Variants in VARS1 observed in about 807,000 individuals in gnomAD.
VARS1 encodes the protein valine--tRNA ligase.
A neutral mutation model predicts 161.0 loss-of-function variants in VARS1; 92 were observed. The ratio of observed to expected loss-of-function variants is 0.57; its 90% CI spans 0.48 to 0.68. The LOEUF (loss-of-function observed/expected upper bound fraction) is 0.68, where lower values mean the gene tolerates loss of function less well. VARS1 is among the 30% of genes least tolerant of loss of function. The pLI is 0.00. For synonymous variants in VARS1, 595 were observed against 682.5 expected (o/e 0.87, Z 2.00); for missense variants, 1,338 against 1,695.9 (o/e 0.79, Z 3.71).
Position 31,781,922 on chromosome 6 carries a change from G to A in VARS1, c.2272C>T (p.Arg758Cys), listed in dbSNP as rs1294452351. 1.2e-5 allele frequency: 19 copies of A among 1,612,848 alleles called. No homozygotes were observed. The highest frequency in any genetic ancestry group is 1.6e-4 in the Middle Eastern group (1 of 6,084). ...DPDGRYWVSG[R>C]NEAEAREKAA... Reference sequence around the variant, plus strand: ...TTCTCCCGGGCCTCCGCCTCATTGCGTCCACTCACCCAGTACCGCCCATCA... The same window carrying A: ...TTCTCCCGGGCCTCCGCCTCATTGCATCCACTCACCCAGTACCGCCCATCA... Residue 758 changes from arginine to cysteine, a missense_variant, in exon 19 of 30, where the codon CGC (arginine) becomes TGC (cysteine). By Grantham distance (180) the Arg-to-Cys change is radical. Transcript: ENST00000375663. This position sits in a 1 kb window ranked among gnomAD's most constrained non-coding sequence, Gnocchi z 6.8.
Position 31,792,455 on chromosome 6 carries a change from C to T in VARS1, c.723G>A (p.Arg241=), listed in dbSNP as rs148635564. 6.2e-6 allele frequency: 10 copies of T among 1,613,854 alleles called. No individual in the cohort carries two copies. In the African/African-American group the frequency reaches 1.3e-4, roughly 22 times the overall value. Residue 241 remains arginine (R), a synonymous_variant, in exon 5 of 30, where the codon CGG becomes CGA. Coordinates refer to ENST00000375663, the MANE Select transcript of VARS1 (RefSeq NM_006295.3). The part of the protein sequence containing the change: ...AAQLKKEAKK[R]EKLEKFQQKQ... ...TCTGTTGGAATTTCTCTAGCTTCTC[C>T]CGTTTCTTTGCCTCTTTCTTGAGCT...
chr6:31,788,257 T>G (rs2151428580), intron 8 of VARS1, among the ~76,000 whole-genome samples: 1 of 152,190 alleles, frequency 6.6e-6, no homozygotes, highest in African/African-American at 2.4e-5. Context: ...ATCCTAGCAC[T>G]TTGGGAGACC....
In VARS1 at chr6:31,794,874, G is replaced by C. The variant is rs1229457406; in HGVS notation, c.344C>G (p.Thr115Arg). 7 of 1,611,068 alleles carry C rather than the reference G, an allele frequency of 4.3e-6. No individual in the cohort carries two copies. The highest frequency in any genetic ancestry group is 1.7e-5 in the Admixed American group (1 of 59,940). ...GCTTCGGAGTCCCAGGGCCGGCAGC[G>C]TTGCTCCACAGGCAGCTGGTATTAA... Reference protein sequence around the residue: ...TELIPAACGATLPALGLRSSA... With the variant: ...TELIPAACGARLPALGLRSSA... The change falls in exon 2 of 30, where the codon ACG (threonine) becomes AGG (arginine). Residue 115 changes from threonine (T) to arginine (R), a missense_variant. Physicochemically the swap from Thr to Arg is moderately conservative, Grantham distance 71 (BLOSUM62 -1). Transcript: ENST00000375663.
Position 31,795,388 on chromosome 6 carries a change from G to C in VARS1, c.-33-138C>G, listed in dbSNP as rs779836521. On this transcript the variant is annotated intron_variant, in intron 1 of 29. Transcript: ENST00000375663. This position sits in a 1 kb window ranked among gnomAD's most constrained non-coding sequence, Gnocchi z 6.9. ...GACTGAGGGTCTGACCAGGCAGGCT[G>C]TCAGGAGCCGAGGACCTGGCTCTCA... is the stretch of plus-strand genomic sequence containing the variant. The C allele has an allele frequency of 3.9e-6, 2 of 507,758 alleles. No homozygotes were observed. The highest frequency in any genetic ancestry group is 6.1e-6 in the Non-Finnish European group (2 of 325,474). The allele number at this position is 507,758 out of a possible 1,614,324, so 31.5% of individuals were successfully genotyped here.
At position 31,795,221 on chromosome 6, in the gene VARS1, T is replaced by G; in HGVS notation, c.-4A>C. ...GGGAGACGTAGAGGGTGGACATAGT[T>G]ATGAGAAGGTCCGAACGAAGTGGAA... On this transcript the variant is annotated 5_prime_UTR_variant, in exon 2 of 30. Coordinates refer to ENST00000375663, the MANE Select transcript of VARS1 (RefSeq NM_006295.3). This position sits in a 1 kb window ranked among gnomAD's most constrained non-coding sequence, Gnocchi z 6.9. 7.0e-7 allele frequency: 1 copy of G among 1,421,000 alleles called. No individual in the cohort carries two copies. Among genetic ancestry groups the G allele is most frequent in the Non-Finnish European group, 9.2e-7 (1 of 1,085,212 alleles). 88.0% of individuals were successfully genotyped at this position (1,421,000 alleles called of 1,614,324 possible).
chr6:31,788,782 CTG>C (rs1813686220), intron 8 of VARS1, among the ~76,000 whole-genome samples: 2 of 151,932 alleles, frequency 1.3e-5, no homozygotes, highest in Admixed American at 6.6e-5. Flanking sequence ...GCACTCCAGC[CTG>C]GGCGACAGAG....
Position 31,778,578 on chromosome 6 carries a change from C to T in VARS1, c.3726+389G>A, listed in dbSNP as rs780980938. 7.2e-5 allele frequency among the ~76,000 whole-genome samples: 11 copies of T among 152,060 alleles called. No homozygotes were observed. The highest frequency in any genetic ancestry group is 8.8e-5 in the Non-Finnish European group (6 of 67,992). On this transcript the variant is annotated intron_variant, in intron 29 of 29. Transcript: ENST00000375663. The surrounding 1 kb of genome is among the most constrained non-coding windows in gnomAD (Gnocchi z 5.1). ...AGGCTCAAGTGCAGTGGCATGATCT[C>T]GGCTCACTGCAGTCTTGACCTCCCA... is the stretch of plus-strand genomic sequence containing the variant.
At chr6:31,792,001 C>A in intron 6 of VARS1, 30 bp from the exon 7 acceptor site, 1 of 1,541,300 alleles carries the variant, frequency 6.5e-7, no homozygotes, top group Non-Finnish European at 8.7e-7. Context: ...GGCTCAGTGC[C>A]GTGGCTGGGA....
rs1457546699 is a variant in VARS1 at position 31,783,194 on chromosome 6, C to T, written c.1672-8G>A. Reference sequence around the variant, plus strand: ...GTTCTTCCCCTTCAGGTGCTGGGGGCGGAAAGATACCAAAAACGCATGAAG... The same window carrying T: ...GTTCTTCCCCTTCAGGTGCTGGGGGTGGAAAGATACCAAAAACGCATGAAG... On this transcript the variant is annotated splice_polypyrimidine_tract_variant and splice_region_variant and intron_variant, in intron 13 of 29. Transcript: ENST00000375663. The T allele has an allele frequency of 1.4e-5, 23 of 1,611,424 alleles. No individual in the cohort carries two copies. The highest frequency in any genetic ancestry group is 1.6e-4 in the Middle Eastern group (1 of 6,082).
In VARS1 at chr6:31,785,832, A is replaced by C; in HGVS notation, c.1101-99T>G. 2.8e-6 allele frequency: 4 copies of C among 1,450,450 alleles called. No individual in the cohort carries two copies. Among genetic ancestry groups the C allele is most frequent in the Non-Finnish European group, 3.7e-6 (4 of 1,092,272 alleles). The allele number at this position is 1,450,450 out of a possible 1,614,324, so 89.8% of individuals were successfully genotyped here. A position where few individuals can be genotyped will look rare whatever the true frequency, so the allele number is the denominator to read the frequency against. On this transcript the variant is annotated intron_variant, in intron 8 of 29. Coordinates refer to ENST00000375663, the MANE Select transcript of VARS1 (RefSeq NM_006295.3). This position sits in a 1 kb window ranked among gnomAD's most constrained non-coding sequence, Gnocchi z 6.1. Reference sequence around the variant, plus strand: ...AGGCAAGGAGTCAGTGGACTAAATAAAGAAGCAGGGAGGCCGGACGCGGTG... The same window carrying C: ...AGGCAAGGAGTCAGTGGACTAAATACAGAAGCAGGGAGGCCGGACGCGGTG...
intron 3 of VARS1, 40 bp downstream of exon 3, chr6:31,792,946 A>G (rs767957128): frequency 1.2e-6 from 2 of 1,614,148 alleles, no homozygotes; most frequent in South Asian, 2.2e-5. Context: ...GTGAGGTCTG[A>G]GGAGAGCAGT....
Position 31,780,376 on chromosome 6 carries a change from G to A in VARS1, c.2925+65C>T. ...TATCTGTCCCCCCAGCTACATGGAG[G>A]CTGCTCCGGACAGGGGTACAGCCTG... On this transcript the variant is annotated intron_variant, in intron 25 of 29. Coordinates refer to ENST00000375663, the MANE Select transcript of VARS1 (RefSeq NM_006295.3). The surrounding 1 kb of genome is among the most constrained non-coding windows in gnomAD (Gnocchi z 5.1). 2.5e-6 allele frequency: 4 copies of A among 1,570,460 alleles called. No homozygotes were observed. Among genetic ancestry groups the A allele is most frequent in the East Asian group, 2.2e-5 (1 of 44,462 alleles).
chr6:31,790,602 CAAAAAAA>C (rs9279419), intron 8 of VARS1, among the ~76,000 whole-genome samples: 5 of 43,386 alleles, frequency 1.2e-4, no homozygotes, highest in Admixed American at 4.0e-4. Flanking sequence ...AACTCTGTCT[CAAAAAAA>C]AAAAAAAAAA....
At position 31,785,541 on chromosome 6, in the gene VARS1, G is replaced by T; in HGVS notation, c.1265+28C>A. 1 of 1,574,344 alleles carries T rather than the reference G, an allele frequency of 6.4e-7. No homozygotes were observed. The highest frequency in any genetic ancestry group is 1.2e-5 in the South Asian group (1 of 86,352). ...ATAGGGGACAGGGAGGCAGGGCTGC[G>T]ATGCCCACAGGGATGCTGCATACTC... is the stretch of plus-strand genomic sequence containing the variant. On this transcript the variant is annotated intron_variant, in intron 9 of 29. Transcript: ENST00000375663. The surrounding 1 kb of genome is among the most constrained non-coding windows in gnomAD (Gnocchi z 6.1).
At position 31,791,456 on chromosome 6, in the gene VARS1, A is replaced by G. The variant is rs1813859027; in HGVS notation, c.1100+154T>C. ...GTACTGGACTAGGAGAGGAAGCTAA[A>G]TGATCAGATTGGAATGACAGAGAGA... is the stretch of plus-strand genomic sequence containing the variant. On this transcript the variant is annotated intron_variant, in intron 8 of 29. Coordinates refer to ENST00000375663, the MANE Select transcript of VARS1 (RefSeq NM_006295.3). The surrounding 1 kb of genome is among the most constrained non-coding windows in gnomAD (Gnocchi z 5.0). Among the ~76,000 whole-genome samples the G allele has an allele frequency of 6.6e-6, 1 of 152,184 alleles. No individual in the cohort carries two copies. The highest frequency in any genetic ancestry group is 2.1e-4 in the South Asian group (1 of 4,830).
chr6:31,782,611 C>T lies in VARS1; in HGVS notation c.1910G>A (p.Arg637Lys). Residue 637 changes from arginine (R) to lysine (K), a missense_variant, in exon 16 of 30, where the codon AGG becomes AAG. By Grantham distance (26) the Arg-to-Lys change is conservative (BLOSUM62 2). Transcript: ENST00000375663. The surrounding 1 kb of genome is among the most constrained non-coding windows in gnomAD (Gnocchi z 8.3). ...PFLGLPRFEA[R>K]KAVLVALKER... ...CTTCAGCGCCACCAGCACCGCTTTC[C>T]TGGCCTCAAACCTGGGCAGGCCCTG... is the stretch of plus-strand genomic sequence containing the variant. 1 of 1,613,108 alleles carries T rather than the reference C, an allele frequency of 6.2e-7. No individual in the cohort carries two copies. Among genetic ancestry groups the T allele is most frequent in the African/African-American group, 1.3e-5 (1 of 75,068 alleles).
At position 31,780,821 on chromosome 6, in the gene VARS1, AG is replaced by A. The variant is rs1408120065; in HGVS notation, c.2719-39del. On this transcript the variant is annotated intron_variant, in intron 23 of 29. Coordinates refer to ENST00000375663, the MANE Select transcript of VARS1 (RefSeq NM_006295.3). This position sits in a 1 kb window ranked among gnomAD's most constrained non-coding sequence, Gnocchi z 5.1. ...GGCAGGGGGAGGAGCGTCCTCAGCC[AG>A]CCCCATCCACGCTGTGCTCCTGCTT... The A allele has an allele frequency of 6.2e-6, 10 of 1,614,082 alleles. No individual in the cohort carries two copies. Among genetic ancestry groups the A allele is most frequent in the Non-Finnish European group, 7.6e-6 (9 of 1,180,018 alleles).
In VARS1 at chr6:31,779,534, G is replaced by A. The variant is rs1812988748; in HGVS notation, c.3291C>T (p.Cys1097=). Reference sequence around the variant, plus strand: ...CTTCTGCCTCGGGGTCCTTCCAGGAGCACTGTGGGGTGGAGGAGGGGGTGA... The same window carrying A: ...CTTCTGCCTCGGGGTCCTTCCAGGAACACTGTGGGGTGGAGGAGGGGGTGA... ...CVTPYPEPSE[C]SWKDPEAEAA... The change falls in exon 28 of 30, where the codon TGC becomes TGT. Residue 1097 remains cysteine, a splice_region_variant and synonymous_variant. Coordinates refer to ENST00000375663, the MANE Select transcript of VARS1 (RefSeq NM_006295.3). This position sits in a 1 kb window ranked among gnomAD's most constrained non-coding sequence, Gnocchi z 9.1. The A allele has an allele frequency of 1.2e-6, 2 of 1,612,512 alleles. No individual in the cohort carries two copies. The highest frequency in any genetic ancestry group is 1.7e-6 in the Non-Finnish European group (2 of 1,179,918).
At position 31,785,925 on chromosome 6, in the gene VARS1, G is replaced by A. The variant is rs1276739470; in HGVS notation, c.1101-192C>T. ...TGGATCACCTCAGGTGGGGGAGTTC[G>A]AGATGAGCCTGGCCAACATGGTAAA... On this transcript the variant is annotated intron_variant, in intron 8 of 29. Transcript: ENST00000375663. The surrounding 1 kb of genome is among the most constrained non-coding windows in gnomAD (Gnocchi z 6.1). Among the ~76,000 whole-genome samples the A allele has an allele frequency of 2.6e-5, 4 of 151,928 alleles. No individual in the cohort carries two copies. The highest frequency in any genetic ancestry group is 4.8e-5 in the African/African-American group (2 of 41,462).
Sources: allele counts gnomAD v4.1 joint callset (sites outside exome capture counted in the v4.1 genomes callset), GRCh38; gene constraint gnomAD v4.1.1; non-coding constraint Gnocchi (gnomAD v3.1); transcripts MANE v1.5; gene names NCBI Gene and HGNC (gene_info 2026-07-23, HGNC 2026-07-21).